STX3: variants seen among roughly 807,000 people sequenced by gnomAD.
STX3 encodes syntaxin 3.
Under a neutral mutation model 40.2 loss-of-function variants are expected in STX3, and 19 were observed. The observed-to-expected ratio is 0.47, with a 90% CI of 0.33 to 0.69. STX3 has a LOEUF of 0.69. Ranked by LOEUF, STX3 falls within the 30% of genes least tolerant of loss-of-function variation. The pLI, the probability that STX3 is intolerant of heterozygous loss-of-function variation, is 0.02. For missense variants in STX3, 364 were observed against 366.7 expected (o/e 0.99, Z 0.06); for synonymous variants, 122 against 132.2 (o/e 0.92, Z 0.53).
At chr11:59,764,409 A>C (rs1863187304) in intron 1 of STX3, among the ~76,000 whole-genome samples, 1 of 152,244 alleles carries the variant, frequency 6.6e-6, no homozygotes, top group Non-Finnish European at 1.5e-5. Flanking sequence ...ACAAATGAAG[A>C]AACTGAGGCA....
chr11:59,786,243 CTTT>C (rs1333761860), intron 2 of STX3, among the ~76,000 whole-genome samples: 11 of 135,494 alleles, frequency 8.1e-5, no homozygotes, highest in Non-Finnish European at 8.0e-5. Context: ...TTCTTTCTTT[CTTT>C]TTTTTTTTTT....
At chr11:59,755,265 G>A, upstream of STX3, 1 of 202,970 alleles carries the variant, frequency 4.9e-6, no homozygotes, top group Non-Finnish European at 9.8e-6. Flanking sequence ...AGACGCCCCG[G>A]GCGGCCGGGC....
chr11:59,803,243 G>A lies in STX3; in HGVS notation c.*2419G>A, dbSNP rs1050899537. 4.1e-6 allele frequency: 5 copies of A among 1,231,532 alleles called. No individual in the cohort carries two copies. The East Asian group carries it at 9.5e-5, about 23-fold the overall frequency. 76.3% of individuals were successfully genotyped at this position (1,231,532 alleles called of 1,614,324 possible). A position where few individuals can be genotyped will look rare whatever the true frequency, so the allele number is the denominator to read the frequency against. ...AAGAAGATCATGATCATGATCTGCT[G>A]TATTATCCTTGCGATCATCTTAGCT... On this transcript the variant is annotated 3_prime_UTR_variant, in exon 11 of 11. Coordinates refer to ENST00000337979, the MANE Select transcript of STX3 (RefSeq NM_004177.5).
intron 2 of STX3, among the ~76,000 whole-genome samples, chr11:59,776,331 G>C (rs868775942): frequency 1.3e-5 from 2 of 152,178 alleles, no homozygotes; most frequent in Middle Eastern, 3.4e-3. Context: ...AATGAGAAAG[G>C]GTATGGGTGC....
intron 1 of STX3, among the ~76,000 whole-genome samples, chr11:59,770,112 G>T (rs891199971): frequency 1.3e-5 from 2 of 150,922 alleles, no homozygotes; most frequent in Admixed American, 1.3e-4. Flanking sequence ...ATGGGTGTGG[G>T]TGTATGTGTG....
rs944032513 is a variant in STX3 at position 59,804,167 on chromosome 11, A to G, written c.*3343A>G. On this transcript the variant is annotated 3_prime_UTR_variant, in exon 11 of 11. Transcript: ENST00000337979. ...GCAGTATGGCTGTGAAGGGGCAGAT[A>G]TCATAGCACACCTAACTCAACAGGA... The G allele has an allele frequency of 6.6e-6, 1 of 152,186 alleles. No individual in the cohort carries two copies. The highest frequency in any genetic ancestry group is 2.4e-5 in the African/African-American group (1 of 41,426). 9.4% of individuals were successfully genotyped at this position (152,186 alleles called of 1,614,324 possible).
chr11:59,797,192 G>A (rs991838431), intron 9 of STX3, 91 bp from the exon 10 acceptor site: 1 of 886,174 alleles, frequency 1.1e-6, no homozygotes, highest in Non-Finnish European at 1.9e-6. Flanking sequence ...TATTTTCTAT[G>A]TAGAGGTGAC....
At chr11:59,783,368 C>CT (rs1173400427) in intron 2 of STX3, among the ~76,000 whole-genome samples, 1 of 152,184 alleles carries the variant, frequency 6.6e-6, no homozygotes, top group Non-Finnish European at 1.5e-5. Context: ...AGTTTTGCCT[C>CT]TTTCTGCAGT....
intron 2 of STX3, 102 bp from the exon 3 acceptor site, chr11:59,786,935 G>T: frequency 1.0e-6 from 1 of 967,218 alleles, no homozygotes; most frequent in South Asian, 1.6e-5. Flanking sequence ...CACAAACCCA[G>T]AAGATGGGCA....
chr11:59,773,157 T>C, intron 1 of STX3, 54 bp from the exon 2 acceptor site: 1 of 1,528,956 alleles, frequency 6.5e-7, no homozygotes, highest in South Asian at 1.1e-5. Flanking sequence ...CATTCAATAA[T>C]TTAGCCATTT....
chr11:59,784,803 C>G (rs1864646687), intron 2 of STX3, among the ~76,000 whole-genome samples: 1 of 152,088 alleles, frequency 6.6e-6, no homozygotes, highest in Admixed American at 6.5e-5. Flanking sequence ...ATTATGGGAG[C>G]TACAAGATGA....
intron 10 of STX3, chr11:59,800,524 GTCT>G (rs2135049854): frequency 1.0e-6 from 1 of 985,384 alleles, no homozygotes; most frequent in African/African-American, 1.7e-5. Context: ...CCTGCAGCCT[GTCT>G]TCAGGAGCGG....
At chr11:59,795,654 T>C (rs1056376798) in intron 9 of STX3, 172 bp downstream of exon 9, 1 of 1,537,860 alleles carries the variant, frequency 6.5e-7, no homozygotes, top group African/African-American at 1.4e-5. Flanking sequence ...GTGGGCTTTG[T>C]GGAGCGGGCC....
chr11:59,788,538 C>T (rs1191380181), intron 3 of STX3, among the ~76,000 whole-genome samples: 5 of 152,164 alleles, frequency 3.3e-5, no homozygotes, highest in Admixed American at 3.3e-4. Flanking sequence ...CCTTCTCAAC[C>T]GAAGCTCCCG....
Position 59,802,012 on chromosome 11 carries a change from A to C in STX3, c.*1188A>C. ...TGATCCCAATTAAGTTTTTCTGCTT[A>C]GCAGACAGAAGGTATAATTTTTTGA... On this transcript the variant is annotated 3_prime_UTR_variant, in exon 11 of 11. Transcript: ENST00000337979. 1 of 985,476 alleles carries C rather than the reference A, an allele frequency of 1.0e-6. No individual in the cohort carries two copies. The allele number at this position is 985,476 out of a possible 1,614,324, so 61.0% of individuals were successfully genotyped here.
rs531908075 is a variant in STX3 at position 59,791,683 on chromosome 11, T to TA, written c.358-423dup. 3.9e-5 allele frequency among the ~76,000 whole-genome samples: 6 copies of TA among 152,328 alleles called. No homozygotes were observed. In the East Asian group the frequency reaches 9.6e-4, roughly 24 times the overall value. On this transcript the variant is annotated intron_variant, in intron 5 of 10. Transcript: ENST00000337979. ...TGCAGGGCTGTTGAGATAATGCATC[T>TA]ACTTATAAGCAAGAAGAGTTGGGGA...
intron 1 of STX3, among the ~76,000 whole-genome samples, chr11:59,765,965 CGCTT>C (rs1268363443): frequency 2.0e-5 from 3 of 152,216 alleles, no homozygotes; most frequent in Admixed American, 1.3e-4. Context: ...AATTTGTACT[CGCTT>C]GGTTGTGCCA....
In STX3 at chr11:59,803,215, CAGA is replaced by C. The variant is rs934563018; in HGVS notation, c.*2398_*2400del. ...TTCTTTCTTTCCTTGTCTGGATGAG[CAGA>C]AGAAGATCATGATCATGATCTGCTG... On this transcript the variant is annotated 3_prime_UTR_variant, in exon 11 of 11. Coordinates refer to ENST00000337979, the MANE Select transcript of STX3 (RefSeq NM_004177.5). The C allele has an allele frequency of 1.1e-4, 138 of 1,231,666 alleles. No homozygotes were observed. The highest frequency in any genetic ancestry group is 5.0e-4 in the African/African-American group (32 of 64,518). The allele number at this position is 1,231,666 out of a possible 1,614,324, so 76.3% of individuals were successfully genotyped here.
rs988511772 is a variant in STX3, at chr11:59,800,939, G to C, written c.*115G>C. On this transcript the variant is annotated 3_prime_UTR_variant, in exon 11 of 11. Transcript: ENST00000337979. ...GAATGGCCTTCCTGAGAGCGAGTGCGACCCGTTCCTTTGTTTCCTTGCAAC... is the reference window on the plus strand; with the variant it reads ...GAATGGCCTTCCTGAGAGCGAGTGCCACCCGTTCCTTTGTTTCCTTGCAAC... The C allele has an allele frequency of 2.0e-6, 3 of 1,535,968 alleles. No individual in the cohort carries two copies. Among genetic ancestry groups the C allele is most frequent in the Middle Eastern group, 1.7e-4 (1 of 6,012 alleles).
Sources: allele counts gnomAD v4.1 joint callset (sites outside exome capture counted in the v4.1 genomes callset), GRCh38; gene constraint gnomAD v4.1.1; transcripts MANE v1.5; gene names NCBI Gene and HGNC (gene_info 2026-07-23, HGNC 2026-07-21).